CHST15: variants seen among roughly 807,000 people sequenced by gnomAD.
CHST15 encodes the protein carbohydrate sulfotransferase 15.
A neutral mutation model predicts 53.6 loss-of-function variants in CHST15; 30 were observed. The ratio of observed to expected loss-of-function variants is 0.56; its 90% CI spans 0.42 to 0.76. The LOEUF is 0.76. Ranked by LOEUF, CHST15 falls within the 30% of genes least tolerant of loss-of-function variation. The pLI, the probability that CHST15 is intolerant of heterozygous loss-of-function variation, is 0.00. For synonymous variants in CHST15, 296 were observed against 289.8 expected (o/e 1.02, Z -0.22); for missense variants, 627 against 740.5 (o/e 0.85, Z 1.78).
chr10:124,020,219 C>G, intron 6 of CHST15: 2 of 985,502 alleles, frequency 2.0e-6, no homozygotes, highest in Non-Finnish European at 2.4e-6. Context: ...GCATTATTAC[C>G]CCATTGTATG....
chr10:124,039,131 A>G (rs1217247610), intron 4 of CHST15, among the ~76,000 whole-genome samples: 1 of 152,142 alleles, frequency 6.6e-6, no homozygotes, highest in East Asian at 1.9e-4. Context: ...TGGTTTTGAA[A>G]ATGGTTTTCC....
chr10:124,018,701 C>G (rs1946666925), intron 6 of CHST15, among the ~76,000 whole-genome samples: 1 of 152,154 alleles, frequency 6.6e-6, no homozygotes, highest in Non-Finnish European at 1.5e-5. Flanking sequence ...CCTTGAACCC[C>G]ATCAATAGTG....
rs202094054 is a variant in CHST15, at chr10:124,045,886, T to C, written c.327A>G (p.Ser109=). 11 of 1,613,916 alleles carry C rather than the reference T, an allele frequency of 6.8e-6. No individual in the cohort carries two copies. In the Admixed American group the frequency reaches 1.7e-4, roughly 24 times the overall value. ...TGGGGAAGCCTCCGTAATGGAAAGG[T>C]GATGAGATCAGAAGCTCTTGGTGGG... is the stretch of plus-strand genomic sequence containing the variant. ...SGAHQELLIS[S]PFHYGGFPSN... is the part of the protein sequence containing the mutation. The change falls in exon 2 of 8, where the codon TCA becomes TCG. Residue 109 remains serine (S), a synonymous_variant. Coordinates refer to ENST00000435907, the MANE Select transcript of CHST15 (RefSeq NM_001270764.2).
chr10:124,009,815 AG>A lies in CHST15; in HGVS notation c.*333del, dbSNP rs1243633519. 35 of 1,089,078 alleles carry A rather than the reference AG, an allele frequency of 3.2e-5. No homozygotes were observed. Among genetic ancestry groups the A allele is most frequent in the Non-Finnish European group, 3.8e-5 (34 of 894,046 alleles). 67.5% of individuals were successfully genotyped at this position (1,089,078 alleles called of 1,614,324 possible). A position where few individuals can be genotyped will look rare whatever the true frequency, so the allele number is the denominator to read the frequency against. On this transcript the variant is annotated 3_prime_UTR_variant, in exon 8 of 8. Transcript: ENST00000435907. ...GGCTCTCCAGAAGGCGGAGGCGGGC[AG>A]GGCCAGGCTGCCTTCCCTAGGTGTT...
At chr10:124,047,749 T>C (rs1275688664) in intron 1 of CHST15, among the ~76,000 whole-genome samples, 2 of 152,244 alleles carry the variant, frequency 1.3e-5, no homozygotes, top group Non-Finnish European at 2.9e-5. Flanking sequence ...ATATTTAGCA[T>C]ACCATAAAAG....
intron 1 of CHST15, among the ~76,000 whole-genome samples, chr10:124,051,773 A>G (rs1027519104): frequency 1.3e-5 from 2 of 152,224 alleles, no homozygotes; most frequent in African/African-American, 4.8e-5. Context: ...TATGCACCCA[A>G]GCATCATTAG....
chr10:124,083,152 T>C (rs1451443694), intron 1 of CHST15, among the ~76,000 whole-genome samples: 14 of 152,232 alleles, frequency 9.2e-5, no homozygotes, highest in Admixed American at 8.5e-4. Flanking sequence ...GTCTGCTTTA[T>C]GATTTTTTTT....
chr10:124,044,097 G>GAGCAGA (rs200290166), intron 3 of CHST15, among the ~76,000 whole-genome samples: 3 of 148,644 alleles, frequency 2.0e-5, no homozygotes, highest in African/African-American at 7.7e-5. Flanking sequence ...GCACAGAGCA[G>GAGCAGA]GGAACGGCAC....
chr10:124,059,769 C>T (rs911206697), intron 1 of CHST15, among the ~76,000 whole-genome samples: 8 of 152,150 alleles, frequency 5.3e-5, no homozygotes, highest in African/African-American at 1.7e-4. Flanking sequence ...CTTGCTGATC[C>T]GGGTAGTTCT....
chr10:124,035,126 A>G (rs113442478), intron 5 of CHST15, among the ~76,000 whole-genome samples: 21,414 of 100,640 alleles, frequency 0.21, 3,337 homozygotes, highest in African/African-American at 0.38. Flanking sequence ...GCCCCCTAAC[A>G]GGGACCCCGG....
chr10:124,026,916 T>C (rs1335347351), intron 5 of CHST15, among the ~76,000 whole-genome samples: 2 of 152,044 alleles, frequency 1.3e-5, no homozygotes, highest in Non-Finnish European at 2.9e-5. Context: ...GGGATGGTCC[T>C]AGAAGGCAGG....
In CHST15 at chr10:124,046,940, A is replaced by G. The variant is rs142496862; in HGVS notation, c.-512-216T>C. Among the ~76,000 whole-genome samples, 553 of 152,312 alleles carry G rather than the reference A, an allele frequency of 3.6e-3. 1 individual carries two copies. Among genetic ancestry groups the G allele is most frequent in the Non-Finnish European group, 5.7e-3 (390 of 68,036 alleles). ...TGGGGCTCAATTTCTGCCACCAAACATGGCCCCAATCCCAGCACCACCAGC... is the reference window on the plus strand; with the variant it reads ...TGGGGCTCAATTTCTGCCACCAAACGTGGCCCCAATCCCAGCACCACCAGC... On this transcript the variant is annotated intron_variant, in intron 1 of 7. Transcript: ENST00000435907.
chr10:124,079,861 C>T (rs535883686), intron 1 of CHST15, among the ~76,000 whole-genome samples: 11 of 152,338 alleles, frequency 7.2e-5, no homozygotes, highest in African/African-American at 2.6e-4. Context: ...GTTCCCGCTC[C>T]AGGACCTAGG....
Position 124,008,269 on chromosome 10 carries a change from G to C in CHST15, c.*1880C>G. The C allele has an allele frequency of 1.7e-6, 2 of 1,177,350 alleles. No individual in the cohort carries two copies. The highest frequency in any genetic ancestry group is 2.1e-6 in the Non-Finnish European group (2 of 954,436). The allele number at this position is 1,177,350 out of a possible 1,614,324, so 72.9% of individuals were successfully genotyped here. A position where few individuals can be genotyped will look rare whatever the true frequency, so the allele number is the denominator to read the frequency against. Reference sequence around the variant, plus strand: ...AGAGAAATTAATCTATAAAAGGGTTGTGTCCAGAGCGGAGGAGCCTCATTA... The same window carrying C: ...AGAGAAATTAATCTATAAAAGGGTTCTGTCCAGAGCGGAGGAGCCTCATTA... On this transcript the variant is annotated 3_prime_UTR_variant, in exon 8 of 8. Transcript: ENST00000435907.
At chr10:124,032,990 G>A (rs1947285573) in intron 5 of CHST15, among the ~76,000 whole-genome samples, 3 of 152,088 alleles carry the variant, frequency 2.0e-5, no homozygotes, top group Admixed American at 6.5e-5. Context: ...ATTTATAGAA[G>A]GAAAAGAACA....
intron 1 of CHST15, among the ~76,000 whole-genome samples, chr10:124,047,220 G>A (rs184840639): frequency 6.6e-6 from 1 of 152,288 alleles, no homozygotes; most frequent in Admixed American, 6.5e-5. Context: ...CCTCTCACTG[G>A]CATCAGCAGT....
At chr10:124,029,208 G>A (rs997912220) in intron 5 of CHST15, among the ~76,000 whole-genome samples, 1 of 152,194 alleles carries the variant, frequency 6.6e-6, no homozygotes, top group African/African-American at 2.4e-5. Context: ...ATGTAGCTGA[G>A]ACGGAGCCCT....
chr10:124,072,206 C>T (rs1001972792), intron 1 of CHST15, among the ~76,000 whole-genome samples: 3 of 152,210 alleles, frequency 2.0e-5, no homozygotes, highest in African/African-American at 7.2e-5. Flanking sequence ...CTCCTTTAGC[C>T]AGCCACTGCC....
chr10:124,069,051 G>C (rs1358342543), intron 1 of CHST15, among the ~76,000 whole-genome samples: 1 of 152,196 alleles, frequency 6.6e-6, no homozygotes, highest in Non-Finnish European at 1.5e-5. Context: ...GACAGGACTA[G>C]GCAGGATGAG....
Sources: allele counts gnomAD v4.1 joint callset (sites outside exome capture counted in the v4.1 genomes callset), GRCh38; gene constraint gnomAD v4.1.1; transcripts MANE v1.5; gene names NCBI Gene and HGNC (gene_info 2026-07-23, HGNC 2026-07-21).